THRA: variants seen among roughly 807,000 people sequenced by gnomAD.
THRA encodes the protein EAR-7.
In THRA, 13 loss-of-function variants were observed where a neutral mutation model predicts 45.0. That is an observed-to-expected ratio of 0.29 (90% CI 0.19 to 0.46). THRA has a LOEUF of 0.46. Ranked by LOEUF, THRA falls within the 20% of genes least tolerant of loss-of-function variation. THRA has a pLI of 1.00. For missense variants in THRA, 278 were observed against 556.1 expected, an observed-to-expected ratio of 0.50 and a Z score of 5.03; for synonymous variants, 195 against 214.0, an observed-to-expected ratio of 0.91 and a Z score of 0.78.
chr17:40,075,328 C>T (rs1439624958), intron 2 of THRA, among the ~76,000 whole-genome samples: 1 of 152,224 alleles, frequency 6.6e-6, no homozygotes, highest in East Asian at 1.9e-4. Context: ...CTCCGGGGAG[C>T]AGTGTGGCTG....
chr17:40,085,734 C>T (rs1471473317), intron 6 of THRA, among the ~76,000 whole-genome samples: 3 of 152,006 alleles, frequency 2.0e-5, no homozygotes, highest in African/African-American at 7.3e-5. Flanking sequence ...ACCTCTACCT[C>T]CCGGCTTCAA....
chr17:40,088,090 A>G lies in THRA; in HGVS notation c.724-152A>G, dbSNP rs933474517. On this transcript the variant is annotated intron_variant, in intron 7 of 8. Transcript: ENST00000450525. ...AGGCATAACTGTGAGGCTTAAATGGAATAGGGCATGCACATGGCCCAATAC... is the reference window on the plus strand; with the variant it reads ...AGGCATAACTGTGAGGCTTAAATGGGATAGGGCATGCACATGGCCCAATAC... The G allele has an allele frequency of 4.0e-5, 41 of 1,032,564 alleles. No homozygotes were observed. The Middle Eastern group carries it at 9.4e-4, about 24-fold the overall frequency. The allele number at this position is 1,032,564 out of a possible 1,614,324, so 64.0% of individuals were successfully genotyped here.
rs1598398800 is a variant in THRA, at chr17:40,089,420, A to G, written c.1197A>G (p.Pro399=). 9 of 1,612,836 alleles carry G rather than the reference A, an allele frequency of 5.6e-6. No individual in the cohort carries two copies. The African/African-American group carries it at 1.1e-4, about 19-fold the overall frequency. ...KVECPTELFP[P]LFLEVFEDQE... is the part of the protein sequence containing the mutation. Reference sequence around the variant, plus strand: ...AGTGCCCCACCGAACTCTTCCCCCCACTCTTCCTCGAGGTCTTTGAGGATC... The same window carrying G: ...AGTGCCCCACCGAACTCTTCCCCCCGCTCTTCCTCGAGGTCTTTGAGGATC... Residue 399 remains proline (P), a synonymous_variant, in exon 9 of 9, where the codon CCA becomes CCG. Transcript: ENST00000450525. The surrounding 1 kb of genome is among the most constrained non-coding windows in gnomAD (Gnocchi z 6.1).
At chr17:40,076,115 A>C (rs1986944212) in intron 2 of THRA, among the ~76,000 whole-genome samples, 1 of 152,202 alleles carries the variant, frequency 6.6e-6, no homozygotes, top group Non-Finnish European at 1.5e-5. Flanking sequence ...GAGGGTTGCT[A>C]ATAATACGCT....
downstream of THRA, chr17:40,093,843 T>G (rs533443475): frequency 6.4e-6 from 9 of 1,407,324 alleles, no homozygotes; most frequent in African/African-American, 8.5e-5. The surrounding 1 kb of genome is among the most constrained non-coding windows in gnomAD (Gnocchi z 5.9). Flanking sequence ...GAGTAGGTAC[T>G]CCATAAAAGG....
Position 40,077,458 on chromosome 17 carries a change from C to T in THRA, c.122-50C>T. 3.2e-6 allele frequency: 5 copies of T among 1,539,180 alleles called. No individual in the cohort carries two copies. The South Asian group carries it at 3.4e-5, about 10-fold the overall frequency. ...GGGGAAAAGTGTGAGAGCCTCTCTG[C>T]TGGGACTCCAAGCCATGCCTGCCTT... On this transcript the variant is annotated intron_variant, in intron 3 of 8. Coordinates refer to ENST00000450525, the MANE Select transcript of THRA (RefSeq NM_199334.5).
intron 2 of THRA, among the ~76,000 whole-genome samples, chr17:40,076,278 G>A (rs926151795): frequency 6.6e-6 from 1 of 152,132 alleles, no homozygotes; most frequent in Non-Finnish European, 1.5e-5. Context: ...GTATGACCTG[G>A]AGCTCAAGCA....
At position 40,092,754 on chromosome 17, in the gene THRA, A is replaced by AC; in HGVS notation, c.*3302dup. 1 of 186,804 alleles carries AC rather than the reference A, an allele frequency of 5.4e-6. No individual in the cohort carries two copies. The highest frequency in any genetic ancestry group is 9.4e-6 in the Non-Finnish European group (1 of 105,884). The allele number at this position is 186,804 out of a possible 1,614,324, so 11.6% of individuals were successfully genotyped here. On this transcript the variant is annotated 3_prime_UTR_variant, in exon 9 of 9. Coordinates refer to ENST00000450525, the MANE Select transcript of THRA (RefSeq NM_199334.5). ...CCCCCCCAGCCTTGGCAGTATTTCC[A>AC]CCCCACCCCCCAAACGAGCACACAC...
chr17:40,091,101 A>G lies in THRA; in HGVS notation c.*1645A>G, dbSNP rs1413397919. On this transcript the variant is annotated 3_prime_UTR_variant, in exon 9 of 9. Transcript: ENST00000450525. ...GTGGACACAGATGCCCCCGGAAGCC[A>G]TGGGGATTGGGGCAGGGGGTGGGGG... 2 of 118,080 alleles carry G rather than the reference A, an allele frequency of 1.7e-5. No individual in the cohort carries two copies. Among genetic ancestry groups the G allele is most frequent in the Non-Finnish European group, 3.5e-5 (2 of 56,708 alleles). 7.3% of individuals were successfully genotyped at this position (118,080 alleles called of 1,614,324 possible).
Position 40,089,441 on chromosome 17 carries a change from G to A in THRA, c.1218G>A (p.Glu406=). 1 of 1,614,116 alleles carries A rather than the reference G, an allele frequency of 6.2e-7. No homozygotes were observed. The highest frequency in any genetic ancestry group is 8.5e-7 in the Non-Finnish European group (1 of 1,180,018). ...CCCCACTCTTCCTCGAGGTCTTTGA[G>A]GATCAGGAAGTCTAAAGCCTCAGGC... ...LFPPLFLEVF[E]DQEV The change falls in exon 9 of 9, where the codon GAG becomes GAA. Residue 406 remains glutamate, a synonymous_variant. Transcript: ENST00000450525. The surrounding 1 kb of genome is among the most constrained non-coding windows in gnomAD (Gnocchi z 6.1).
At chr17:40,069,871 G>C (rs1226502447) in intron 1 of THRA, among the ~76,000 whole-genome samples, 1 of 152,144 alleles carries the variant, frequency 6.6e-6, no homozygotes, top group East Asian at 1.9e-4. Flanking sequence ...CAGGAGGAGG[G>C]AGAGGAGAGC....
At position 40,086,718 on chromosome 17, in the gene THRA, T is replaced by C; in HGVS notation, c.588T>C (p.Ile196=). ...GTCTTTCTCTCTAGCCCGATGACAT[T>C]GGCCAGTCACCCATTGTCTCCATGC... The part of the protein sequence containing the change: ...KQRRKFLPDD[I]GQSPIVSMPD... Residue 196 remains isoleucine (I), a synonymous_variant, in exon 7 of 9, where the codon ATT becomes ATC. Transcript: ENST00000450525. 1 of 1,613,992 alleles carries C rather than the reference T, an allele frequency of 6.2e-7. No homozygotes were observed. The highest frequency in any genetic ancestry group is 8.5e-7 in the Non-Finnish European group (1 of 1,179,966).
chr17:40,073,816 TGC>T (rs1986859667), intron 1 of THRA, among the ~76,000 whole-genome samples: 1 of 152,070 alleles, frequency 6.6e-6, no homozygotes, highest in African/African-American at 2.4e-5. Flanking sequence ...GGTCCCCTCT[TGC>T]CCCTATAATA....
At chr17:40,093,158 G>A, downstream of THRA, 3 of 1,614,070 alleles carry the variant, frequency 1.9e-6, no homozygotes, top group Non-Finnish European at 2.5e-6. This position sits in a 1 kb window ranked among gnomAD's most constrained non-coding sequence, Gnocchi z 5.9. Flanking sequence ...CCGGCAGCTT[G>A]AGCAGCAGCT....
At chr17:40,064,742 C>G (rs1006995952) in intron 1 of THRA, among the ~76,000 whole-genome samples, 12 of 152,212 alleles carry the variant, frequency 7.9e-5, no homozygotes, top group African/African-American at 2.9e-4. Context: ...CTGGATCCCA[C>G]GCAGAGCCTA....
chr17:40,075,691 GCC>G (rs2145058549), intron 2 of THRA, among the ~76,000 whole-genome samples: 1 of 152,002 alleles, frequency 6.6e-6, no homozygotes, highest in Non-Finnish European at 1.5e-5. Context: ...ATGTCTATGC[GCC>G]ACCTTGTGGC....
intron 4 of THRA, among the ~76,000 whole-genome samples, chr17:40,081,347 C>A (rs1448467680): frequency 6.6e-6 from 1 of 151,440 alleles, no homozygotes; most frequent in Non-Finnish European, 1.5e-5. Flanking sequence ...ACCTCCTGGT[C>A]TCAAGCAATC....
chr17:40,081,125 G>A (rs1987123777), intron 4 of THRA, among the ~76,000 whole-genome samples: 1 of 152,072 alleles, frequency 6.6e-6, no homozygotes, highest in South Asian at 2.1e-4. Context: ...ACATGACTTT[G>A]GGCAAATTGC....
rs1036739729 is a variant in THRA at position 40,089,826 on chromosome 17, C to T, written c.*370C>T. 2.2e-5 allele frequency: 24 copies of T among 1,109,544 alleles called. No homozygotes were observed. The highest frequency in any genetic ancestry group is 2.5e-5 in the Non-Finnish European group (23 of 903,844). The allele number at this position is 1,109,544 out of a possible 1,614,324, so 68.7% of individuals were successfully genotyped here. ...GCTGGGGGAAGATGCCCTCAACTCA[C>T]CCCCTACACACACATGAGAGAGAGC... On this transcript the variant is annotated 3_prime_UTR_variant, in exon 9 of 9. Transcript: ENST00000450525. This position sits in a 1 kb window ranked among gnomAD's most constrained non-coding sequence, Gnocchi z 6.1.
Sources: gnomAD v4.1 joint callset for allele counts (sites outside exome capture counted in the v4.1 genomes callset) on GRCh38, gnomAD v4.1.1 for gene constraint, Gnocchi (gnomAD v3.1) non-coding constraint, MANE v1.5 for transcripts, NCBI Gene and HGNC (gene_info 2026-07-23, HGNC 2026-07-21) for gene names.